SV2C: variants seen among roughly 807,000 people sequenced by gnomAD.
SV2C encodes synaptic vesicle glycoprotein 2C.
A neutral mutation model predicts 79.7 loss-of-function variants in SV2C; 49 were observed. That is an observed-to-expected ratio of 0.61 (90% CI 0.49 to 0.78). SV2C has a LOEUF of 0.78. SV2C is among the 30% of genes least tolerant of loss of function. SV2C has a pLI of 0.00. For synonymous variants in SV2C, 334 were observed against 333.2 expected (o/e 1.00, Z -0.03); for missense variants, 833 against 912.9 (o/e 0.91, Z 1.13).
At chr5:76,116,366 G>T (rs1056648767) in intron 1 of SV2C, among the ~76,000 whole-genome samples, 7 of 152,186 alleles carry the variant, frequency 4.6e-5, no homozygotes, top group African/African-American at 1.4e-4. Flanking sequence ...TCCCAGAAGA[G>T]TTCCTGCCAC....
intron 1 of SV2C, among the ~76,000 whole-genome samples, chr5:76,113,113 A>T (rs894925977): frequency 6.6e-6 from 1 of 152,202 alleles, no homozygotes; most frequent in South Asian, 2.1e-4. Flanking sequence ...ATTTCAGCCT[A>T]TACCTATACG....
chr5:76,223,385 G>A (rs1745128802), intron 4 of SV2C, among the ~76,000 whole-genome samples: 2 of 142,552 alleles, frequency 1.4e-5, no homozygotes. Flanking sequence ...TCATGGTCAG[G>A]CCACTGCACT....
chr5:75,910,711 A>G, the SV2C span: 22 of 1,358,706 alleles, frequency 1.6e-5, 2 homozygotes, highest in South Asian at 2.0e-4. Flanking sequence ...AGTTCAACAA[A>G]GCCCAGACTA....
intron 1 of SV2C, among the ~76,000 whole-genome samples, chr5:76,103,562 C>T (rs976626917): frequency 6.6e-6 from 1 of 152,146 alleles, no homozygotes; most frequent in African/African-American, 2.4e-5. Flanking sequence ...GCCTATGGCA[C>T]ATAAAGACAG....
At chr5:76,166,475 A>G (rs1364212213) in intron 2 of SV2C, among the ~76,000 whole-genome samples, 1 of 152,270 alleles carries the variant, frequency 6.6e-6, no homozygotes, top group Non-Finnish European at 1.5e-5. Context: ...CTACCTTTGT[A>G]GAAGTCATCA....
the SV2C span, among the ~76,000 whole-genome samples, chr5:76,011,687 G>A: frequency 1.3e-5 from 2 of 151,824 alleles, no homozygotes; most frequent in South Asian, 4.2e-4. Context: ...AGATATACAC[G>A]TGCCATGGTG....
chr5:76,123,552 G>A (rs1337127893), intron 1 of SV2C, among the ~76,000 whole-genome samples: 1 of 152,114 alleles, frequency 6.6e-6, no homozygotes, highest in African/African-American at 2.4e-5. Context: ...CTTCATCCCT[G>A]GGATACAAGC....
chr5:76,133,450 A>G (rs1320498603), intron 2 of SV2C, among the ~76,000 whole-genome samples: 1 of 152,244 alleles, frequency 6.6e-6, no homozygotes, highest in Non-Finnish European at 1.5e-5. Flanking sequence ...ATTAAATGCT[A>G]TATCCTAATT....
intron 2 of SV2C, among the ~76,000 whole-genome samples, chr5:76,194,542 A>G (rs558402215): frequency 6.6e-6 from 1 of 152,304 alleles, no homozygotes; most frequent in South Asian, 2.1e-4. Context: ...CATAGTACAG[A>G]GAAAAATATA....
intron 2 of SV2C, among the ~76,000 whole-genome samples, chr5:76,182,887 G>A (rs914113955): frequency 1.1e-4 from 17 of 151,894 alleles, no homozygotes; most frequent in African/African-American, 3.6e-4. Context: ...GAGCAGGCAC[G>A]CCACATGGTG....
chr5:76,026,279 G>T, the SV2C span, among the ~76,000 whole-genome samples: 4 of 150,866 alleles, frequency 2.7e-5, no homozygotes, highest in Non-Finnish European at 5.9e-5. Flanking sequence ...CTATAGGCAA[G>T]ACTGAGCTAG....
chr5:76,073,108 T>C, the SV2C span, among the ~76,000 whole-genome samples: 7 of 152,186 alleles, frequency 4.6e-5, no homozygotes, highest in South Asian at 1.4e-3. Context: ...GTCCCATCTA[T>C]TTATCTTTGT....
chr5:75,908,120 T>C, the SV2C span, among the ~76,000 whole-genome samples: 2 of 152,276 alleles, frequency 1.3e-5, no homozygotes, highest in Non-Finnish European at 2.9e-5. Context: ...TTCACAGATA[T>C]GTGCAACAAT....
chr5:75,858,212 C>T, the SV2C span, among the ~76,000 whole-genome samples: 3 of 152,134 alleles, frequency 2.0e-5, no homozygotes, highest in Non-Finnish European at 4.4e-5. Context: ...TTCGGTTTCT[C>T]CCATTCAGCG....
intron 4 of SV2C, among the ~76,000 whole-genome samples, chr5:76,229,537 C>T (rs539565919): frequency 2.6e-4 from 40 of 152,348 alleles, no homozygotes; most frequent in African/African-American, 9.1e-4. Context: ...ACTTTCCCAC[C>T]TTCATGCTCA....
At chr5:75,989,176 T>G in the SV2C span, among the ~76,000 whole-genome samples, 1 of 151,870 alleles carries the variant, frequency 6.6e-6, no homozygotes, top group Non-Finnish European at 1.5e-5. Context: ...TGGGTACACG[T>G]GCAGGAGAAT....
At chr5:76,311,660 T>A (rs927162853) in intron 12 of SV2C, among the ~76,000 whole-genome samples, 1 of 152,176 alleles carries the variant, frequency 6.6e-6, no homozygotes, top group East Asian at 1.9e-4. Context: ...TCACAAACAA[T>A]TGATGTGGCA....
the SV2C span, among the ~76,000 whole-genome samples, chr5:76,032,179 G>A: frequency 6.6e-6 from 1 of 151,818 alleles, no homozygotes; most frequent in Admixed American, 6.6e-5. Flanking sequence ...ACTGATACAT[G>A]CAAGAAAATA....
chr5:76,257,593 G>A (rs1030408235), intron 4 of SV2C, among the ~76,000 whole-genome samples: 4 of 150,820 alleles, frequency 2.7e-5, no homozygotes, highest in Admixed American at 2.0e-4. Context: ...TGTGGTATGG[G>A]GTGTCTATAG....
Sources: gnomAD v4.1 joint callset for allele counts (sites outside exome capture counted in the v4.1 genomes callset) on GRCh38, gnomAD v4.1.1 for gene constraint, MANE v1.5 for transcripts, NCBI Gene and HGNC (gene_info 2026-07-23, HGNC 2026-07-21) for gene names.